The following MYL11 variants were observed in gnomAD, a reference collection of about 807,000 sequenced individuals.
MYL11 encodes the protein myosin regulatory light chain 11.
At chr16:30,372,212 C>G in the MYL11 span, 1 of 152,604 alleles carries the variant, frequency 6.6e-6, no homozygotes, top group Non-Finnish European at 1.5e-5. Context: ...CGTGGTAACC[C>G]TATAAGGCGA....
the MYL11 span, among the ~76,000 whole-genome samples, chr16:30,373,392 G>A: frequency 1.3e-5 from 2 of 152,158 alleles, no homozygotes; most frequent in East Asian, 1.9e-4. Flanking sequence ...TCAGGAGATC[G>A]AGATCATCCT....
chr16:30,374,972 A>C, the MYL11 span: 72 of 1,368,784 alleles, frequency 5.3e-5, no homozygotes, highest in Non-Finnish European at 6.5e-5. Context: ...AAGGATGCTC[A>C]TCTCTTTCTC....
the MYL11 span, among the ~76,000 whole-genome samples, chr16:30,371,976 C>T: frequency 6.6e-6 from 1 of 152,190 alleles, no homozygotes; most frequent in South Asian, 2.1e-4. Flanking sequence ...GACCTAGCTC[C>T]CGACTTCTCA....
At chr16:30,374,920 T>A in the MYL11 span, 1 of 1,583,514 alleles carries the variant, frequency 6.3e-7, no homozygotes, top group Middle Eastern at 1.7e-4. Flanking sequence ...AGCCTCACCC[T>A]TTGAAAGAAA....
the MYL11 span, chr16:30,377,758 T>C: frequency 3.1e-6 from 5 of 1,606,600 alleles, no homozygotes; most frequent in South Asian, 1.1e-5. Flanking sequence ...CCGGGGAGAC[T>C]AAGGGCCTGT....
the MYL11 span, among the ~76,000 whole-genome samples, chr16:30,374,288 G>C: frequency 6.6e-6 from 1 of 151,414 alleles, no homozygotes; most frequent in South Asian, 2.1e-4. Flanking sequence ...TGGCACTCTA[G>C]CCTGGGAGAC....
chr16:30,373,714 A>G, the MYL11 span, among the ~76,000 whole-genome samples: 1 of 151,316 alleles, frequency 6.6e-6, no homozygotes, highest in South Asian at 2.1e-4. Flanking sequence ...GTAAGCCGAG[A>G]TCGCACCATT....
At chr16:30,374,996 G>T in the MYL11 span, 1 of 1,174,800 alleles carries the variant, frequency 8.5e-7, no homozygotes. Flanking sequence ...ATCACTGATG[G>T]AAAACAGACT....
At chr16:30,373,318 G>A in the MYL11 span, among the ~76,000 whole-genome samples, 3 of 152,042 alleles carry the variant, frequency 2.0e-5, no homozygotes, top group East Asian at 3.9e-4. Context: ...ATTAGATGCC[G>A]GGCACGGTGG....
the MYL11 span, chr16:30,374,846 GA>G: frequency 6.2e-7 from 1 of 1,613,530 alleles, no homozygotes; most frequent in Admixed American, 1.7e-5. Flanking sequence ...TTGCCCCCCG[GA>G]GACTGAAGAC....
the MYL11 span, chr16:30,377,815 C>T: frequency 6.2e-7 from 1 of 1,614,098 alleles, no homozygotes; most frequent in Non-Finnish European, 8.5e-7. Context: ...ATGTGGGCGG[C>T]CTTCCCCCCC....
the MYL11 span, chr16:30,376,493 C>T: frequency 4.6e-5 from 74 of 1,614,014 alleles, no homozygotes; most frequent in South Asian, 7.4e-4. Context: ...TCAACTTCAC[C>T]GTCTTCCTGA....
At chr16:30,374,436 T>G in the MYL11 span, among the ~76,000 whole-genome samples, 1 of 152,122 alleles carries the variant, frequency 6.6e-6, no homozygotes. Flanking sequence ...TGTGAACCAC[T>G]GCACCCAGAC....
the MYL11 span, chr16:30,375,944 G>A: frequency 6.2e-7 from 1 of 1,607,354 alleles, no homozygotes. Context: ...CTGGAAGGCT[G>A]ACCAAAAGCA....
the MYL11 span, among the ~76,000 whole-genome samples, chr16:30,375,132 C>A: frequency 6.6e-6 from 1 of 152,190 alleles, no homozygotes; most frequent in Admixed American, 6.5e-5. Flanking sequence ...CCTCTGGCAC[C>A]AGCCAGGCAA....
At chr16:30,375,861 C>T in the MYL11 span, 8 of 1,614,132 alleles carry the variant, frequency 5.0e-6, no homozygotes, top group South Asian at 8.8e-5. Flanking sequence ...AGGGCGGAAG[C>T]TCCAGCGTCT....
the MYL11 span, chr16:30,375,749 C>A: frequency 7.6e-7 from 1 of 1,314,074 alleles, no homozygotes. Flanking sequence ...AATTCTGACT[C>A]TTAATCCATT....
At chr16:30,376,130 C>G in the MYL11 span, 5 of 1,612,604 alleles carry the variant, frequency 3.1e-6, no homozygotes, top group Non-Finnish European at 4.2e-6. Context: ...CCCTCCCCAC[C>G]ACGGCCCTCC....
At chr16:30,375,208 G>A in the MYL11 span, among the ~76,000 whole-genome samples, 1 of 152,192 alleles carries the variant, frequency 6.6e-6, no homozygotes, top group African/African-American at 2.4e-5. Flanking sequence ...GTTCACGCCT[G>A]TAATCCCAGC....
Sources: gnomAD v4.1 joint callset for allele counts (sites outside exome capture counted in the v4.1 genomes callset) on GRCh38, gnomAD v4.1.1 for gene constraint, MANE v1.5 for transcripts, NCBI Gene and HGNC (gene_info 2026-07-23, HGNC 2026-07-21) for gene names.